CNTNAP5: variants seen among roughly 807,000 people sequenced by gnomAD.
CNTNAP5 encodes the protein contactin-associated protein-like 5.
Under a neutral mutation model 150.2 loss-of-function variants are expected in CNTNAP5, and 72 were observed. The ratio of observed to expected loss-of-function variants is 0.48; its 90% CI spans 0.40 to 0.58. The LOEUF (loss-of-function observed/expected upper bound fraction) is 0.58. CNTNAP5 is among the 20% of genes least tolerant of loss of function. CNTNAP5 has a pLI of 0.00. For synonymous variants in CNTNAP5, 672 were observed against 619.8 expected (o/e 1.08, Z -1.25); for missense variants, 1,636 against 1,626.2 (o/e 1.01, Z -0.10).
intron 1 of CNTNAP5, among the ~76,000 whole-genome samples, chr2:124,091,565 G>A (rs1187144081): frequency 6.6e-6 from 1 of 152,140 alleles, no homozygotes; most frequent in Admixed American, 6.6e-5. Flanking sequence ...AATATGTAAA[G>A]AACCTAGTCC....
intron 1 of CNTNAP5, among the ~76,000 whole-genome samples, chr2:124,037,516 A>G (rs1217384003): frequency 6.6e-6 from 1 of 151,830 alleles, no homozygotes; most frequent in African/African-American, 2.4e-5. Context: ...AAAGAAGGAA[A>G]TTCTGTCATT....
chr2:124,783,707 G>T (rs1293770990), intron 17 of CNTNAP5, among the ~76,000 whole-genome samples: 2 of 152,086 alleles, frequency 1.3e-5, no homozygotes, highest in East Asian at 3.9e-4. Flanking sequence ...TTGTAGTGAG[G>T]ATTAAATCAA....
At chr2:124,122,902 G>A (rs202084015) in intron 1 of CNTNAP5, among the ~76,000 whole-genome samples, 2 of 150,126 alleles carry the variant, frequency 1.3e-5, no homozygotes, top group African/African-American at 4.9e-5. Context: ...AAAAATATAT[G>A]TATATATATA....
Position 124,354,862 on chromosome 2 carries a change from C to T in CNTNAP5, c.382-62581C>T, listed in dbSNP as rs144369571. Among the ~76,000 whole-genome samples, 722 of 151,888 alleles carry T rather than the reference C, an allele frequency of 4.8e-3. 7 individuals are homozygous for T. The highest frequency in any genetic ancestry group is 0.017 in the African/African-American group (692 of 41,442). ...GATTTTTTATATGTAGAGTTTTCGT[C>T]AATAATTTTGCAAGTATATAGCCCG... On this transcript the variant is annotated intron_variant, in intron 3 of 23. Transcript: ENST00000682447.
At chr2:124,101,274 A>G (rs1683055980) in intron 1 of CNTNAP5, among the ~76,000 whole-genome samples, 1 of 152,182 alleles carries the variant, frequency 6.6e-6, no homozygotes, top group Non-Finnish European at 1.5e-5. Flanking sequence ...TTTAGATGAA[A>G]AAGCTAAGAT....
intron 1 of CNTNAP5, among the ~76,000 whole-genome samples, chr2:124,123,328 T>G (rs1054854129): frequency 1.3e-5 from 2 of 152,086 alleles, no homozygotes; most frequent in Admixed American, 6.6e-5. Flanking sequence ...GAGATCGAAC[T>G]GCAAAAAGGT....
rs70996047 is a variant in CNTNAP5 at position 124,188,716 on chromosome 2, C to CAAA, written c.83-32969_83-32967dup. ...CCTGGGTGACAGCGAGACTCTGTCTCAAAAAAAAAAAAAAAAAAAAAAGAC... is the reference window on the plus strand; with the variant it reads ...CCTGGGTGACAGCGAGACTCTGTCTCAAAAAAAAAAAAAAAAAAAAAAAAAGAC... On this transcript the variant is annotated intron_variant, in intron 1 of 23. Transcript: ENST00000682447. 2.9e-3 allele frequency among the ~76,000 whole-genome samples: 211 copies of CAAA among 72,468 alleles called. 3 individuals are homozygous for CAAA. The highest frequency in any genetic ancestry group is 4.0e-3 in the East Asian group (10 of 2,474). The allele number at this position is 72,468 out of a possible 152,430, so 47.5% of individuals were successfully genotyped here.
chr2:124,195,120 T>G (rs1402913702), intron 1 of CNTNAP5, among the ~76,000 whole-genome samples: 1 of 152,064 alleles, frequency 6.6e-6, no homozygotes, highest in African/African-American at 2.4e-5. Context: ...GAATGCACGT[T>G]TGAGCAAGGA....
At chr2:124,592,071 G>C (rs915527017) in intron 11 of CNTNAP5, among the ~76,000 whole-genome samples, 17 of 152,060 alleles carry the variant, frequency 1.1e-4, no homozygotes, top group African/African-American at 4.1e-4. Context: ...CCTGTTCAAA[G>C]CTGAACTATA....
intron 2 of CNTNAP5, among the ~76,000 whole-genome samples, chr2:124,224,293 G>A (rs1196601703): frequency 6.6e-6 from 1 of 152,074 alleles, no homozygotes; most frequent in African/African-American, 2.4e-5. Context: ...TTGACACACA[G>A]TTGGCACAAA....
chr2:124,322,442 A>C (rs1689123936), intron 3 of CNTNAP5, among the ~76,000 whole-genome samples: 1 of 152,254 alleles, frequency 6.6e-6, no homozygotes, highest in Non-Finnish European at 1.5e-5. Flanking sequence ...TAGATACTCA[A>C]GTTAACCTAA....
intron 1 of CNTNAP5, among the ~76,000 whole-genome samples, chr2:124,128,762 G>A (rs1476110781): frequency 1.3e-5 from 2 of 152,260 alleles, no homozygotes; most frequent in East Asian, 1.9e-4. Context: ...TCCTTTGTAG[G>A]GACATGGATG....
chr2:124,700,382 G>T (rs904635444), intron 13 of CNTNAP5, among the ~76,000 whole-genome samples: 8 of 152,170 alleles, frequency 5.3e-5, no homozygotes, highest in Non-Finnish European at 1.2e-4. Context: ...ACCTAGGAGT[G>T]GAATGGCTGG....
At chr2:124,795,879 TTCCACCA>T (rs1306047316) in intron 18 of CNTNAP5, among the ~76,000 whole-genome samples, 1 of 152,028 alleles carries the variant, frequency 6.6e-6, no homozygotes, top group Non-Finnish European at 1.5e-5. Context: ...GCATAGGTTC[TTCCACCA>T]AGTGGATGCT....
At chr2:124,475,155 C>A (rs1246269565) in intron 7 of CNTNAP5, among the ~76,000 whole-genome samples, 3 of 151,666 alleles carry the variant, frequency 2.0e-5, no homozygotes, top group Non-Finnish European at 4.4e-5. Flanking sequence ...GTAGTATTTG[C>A]AGTCTATATT....
At chr2:124,398,618 T>C (rs1157220875) in intron 3 of CNTNAP5, among the ~76,000 whole-genome samples, 1 of 152,112 alleles carries the variant, frequency 6.6e-6, no homozygotes, top group East Asian at 1.9e-4. Flanking sequence ...TGCCTCAGCC[T>C]TTGGAGTAGC....
At chr2:124,035,016 CCCTCCCTT>C (rs1352451823) in intron 1 of CNTNAP5, among the ~76,000 whole-genome samples, 1,728 of 71,954 alleles carry the variant, frequency 0.024, 32 homozygotes, top group African/African-American at 0.065. Context: ...CCCCTCCCCT[CCCTCCCTT>C]CCTTCCTTCC....
chr2:124,798,801 G>A (rs957001288), intron 19 of CNTNAP5, among the ~76,000 whole-genome samples: 1 of 152,248 alleles, frequency 6.6e-6, no homozygotes. Flanking sequence ...TTGGGGAATA[G>A]GTGGCTTGCT....
At chr2:124,806,777 C>T (rs972078380) in intron 19 of CNTNAP5, among the ~76,000 whole-genome samples, 1 of 152,108 alleles carries the variant, frequency 6.6e-6, no homozygotes, top group Non-Finnish European at 1.5e-5. Context: ...GTCTCACAGC[C>T]GTGTGGTGGG....
Sources: allele counts gnomAD v4.1 joint callset (sites outside exome capture counted in the v4.1 genomes callset), GRCh38; gene constraint gnomAD v4.1.1; transcripts MANE v1.5; gene names NCBI Gene and HGNC (gene_info 2026-07-23, HGNC 2026-07-21).